The following SPAG9 variants were observed in gnomAD, a reference collection of about 807,000 sequenced individuals.
SPAG9 encodes the protein C-Jun-amino-terminal kinase-interacting protein 4.
In SPAG9, 35 loss-of-function variants were observed where a neutral mutation model predicts 166.5. That is an observed-to-expected ratio of 0.21 (90% confidence interval 0.16 to 0.28). SPAG9 has a LOEUF of 0.28. SPAG9 is among the 10% of genes least tolerant of loss of function. The pLI, the probability that SPAG9 is intolerant of heterozygous loss-of-function variation, is 1.00. For missense variants in SPAG9, 1,235 were observed against 1,603.3 expected (o/e 0.77, Z 3.92); for synonymous variants, 534 against 565.5 (o/e 0.94, Z 0.79).
intron 1 of SPAG9, among the ~76,000 whole-genome samples, chr17:51,086,379 T>G (rs1400666965): frequency 1.3e-5 from 2 of 151,872 alleles, no homozygotes; most frequent in Non-Finnish European, 2.9e-5. Context: ...AGTGGCTCAT[T>G]CCTGTAATCC....
In SPAG9 at chr17:51,009,381, C is replaced by T. The variant is rs545651573; in HGVS notation, c.1214-2055G>A. On this transcript the variant is annotated intron_variant, in intron 9 of 29. Transcript: ENST00000262013. ...TATAGTTTCTAAAGTTTACATTAGC[C>T]ATGAAGCCAGTAGACAAGACAGATA... Among the ~76,000 whole-genome samples, 3 of 152,160 alleles carry T rather than the reference C, an allele frequency of 2.0e-5. No homozygotes were observed. The South Asian group carries it at 6.2e-4, about 32-fold the overall frequency.
chr17:50,989,196 C>G (rs914316566), intron 21 of SPAG9, among the ~76,000 whole-genome samples: 2 of 152,150 alleles, frequency 1.3e-5, no homozygotes, highest in African/African-American at 4.8e-5. Flanking sequence ...TTCTACAGTA[C>G]CTTGTGCATG....
At chr17:51,076,294 G>A (rs2047968288) in intron 2 of SPAG9, among the ~76,000 whole-genome samples, 1 of 151,464 alleles carries the variant, frequency 6.6e-6, no homozygotes, top group Non-Finnish European at 1.5e-5. Context: ...ATGGTGGCTT[G>A]TGACTGTAGT....
intron 12 of SPAG9, among the ~76,000 whole-genome samples, chr17:51,003,343 G>A (rs1201302687): frequency 6.6e-6 from 1 of 152,118 alleles, no homozygotes; most frequent in Non-Finnish European, 1.5e-5. Context: ...ACTATTGTAA[G>A]TTTCACCTAA....
chr17:51,099,848 C>T (rs1002806740), intron 1 of SPAG9, among the ~76,000 whole-genome samples: 1 of 150,720 alleles, frequency 6.6e-6, no homozygotes, highest in Non-Finnish European at 1.5e-5. Context: ...GCCTGTAATC[C>T]CAGCACTTTG....
chr17:51,036,486 A>G (rs1329889685), intron 5 of SPAG9, among the ~76,000 whole-genome samples: 1 of 151,960 alleles, frequency 6.6e-6, no homozygotes, highest in Non-Finnish European at 1.5e-5. Context: ...CTCTGCCACT[A>G]CAGCCCTCCA....
intron 1 of SPAG9, among the ~76,000 whole-genome samples, chr17:51,110,590 G>A (rs569980760): frequency 1.3e-5 from 2 of 152,252 alleles, no homozygotes; most frequent in Non-Finnish European, 2.9e-5. Context: ...TTGGGAGGCT[G>A]AGACGGAAGG....
chr17:51,083,690 G>C (rs2048232445), intron 1 of SPAG9, among the ~76,000 whole-genome samples: 1 of 151,932 alleles, frequency 6.6e-6, no homozygotes, highest in African/African-American at 2.4e-5. Flanking sequence ...AGAGTAGCTG[G>C]AACTACATGT....
chr17:51,073,552 TA>T (rs1031301361), intron 2 of SPAG9, among the ~76,000 whole-genome samples: 2 of 149,382 alleles, frequency 1.3e-5, no homozygotes, highest in African/African-American at 2.5e-5. Context: ...ATTGCAGATT[TA>T]AAAAAAAACA....
At chr17:50,967,679 T>C (rs1973465479) in intron 29 of SPAG9, among the ~76,000 whole-genome samples, 1 of 152,210 alleles carries the variant, frequency 6.6e-6, no homozygotes, top group African/African-American at 2.4e-5. Flanking sequence ...TGTAAGAAAA[T>C]TATCCTGTCT....
intron 6 of SPAG9, among the ~76,000 whole-genome samples, chr17:51,026,517 T>G (rs938001729): frequency 6.6e-6 from 1 of 152,012 alleles, no homozygotes; most frequent in Non-Finnish European, 1.5e-5. Flanking sequence ...TGTAACTTAC[T>G]TCCCTTTTAT....
intron 1 of SPAG9, among the ~76,000 whole-genome samples, chr17:51,093,711 A>AAG (rs2048535400): frequency 6.6e-6 from 1 of 151,258 alleles, no homozygotes; most frequent in Non-Finnish European, 1.5e-5. Flanking sequence ...AAAAAAAAAA[A>AAG]AAAAGAAAAT....
At chr17:50,998,949 G>A (rs1423738205) in intron 14 of SPAG9, among the ~76,000 whole-genome samples, 1 of 152,154 alleles carries the variant, frequency 6.6e-6, no homozygotes, top group Non-Finnish European at 1.5e-5. Context: ...CTCCTACTTG[G>A]TGCAAGGTAA....
intron 25 of SPAG9, among the ~76,000 whole-genome samples, chr17:50,980,873 G>A (rs906082094): frequency 6.6e-6 from 1 of 152,068 alleles, no homozygotes; most frequent in Non-Finnish European, 1.5e-5. Context: ...ATAATGGTGT[G>A]TGCCTGTGAT....
At chr17:51,023,965 C>A (rs1428842914) in intron 6 of SPAG9, among the ~76,000 whole-genome samples, 1 of 152,130 alleles carries the variant, frequency 6.6e-6, no homozygotes. Flanking sequence ...TGCGCCCAGC[C>A]GATTTTTCTA....
At chr17:51,044,275 TA>T (rs1381510559) in intron 4 of SPAG9, among the ~76,000 whole-genome samples, 3 of 152,184 alleles carry the variant, frequency 2.0e-5, no homozygotes, top group Admixed American at 6.5e-5. Context: ...TGGCATGCAT[TA>T]AATGCTTCAA....
chr17:51,004,507 C>T (rs2045110241), intron 12 of SPAG9, among the ~76,000 whole-genome samples: 1 of 152,032 alleles, frequency 6.6e-6, no homozygotes, highest in African/African-American at 2.4e-5. Context: ...GGAGGCTGAC[C>T]AGGGTGGATT....
In SPAG9 at chr17:50,994,929, G is replaced by A. The variant is rs1008062740; in HGVS notation, c.2226+128C>T. ...AATATTTTAAAATTGATTTTAAAAG[G>A]GTGCTGAGGGACAGTAAGCCAGGGC... is the stretch of plus-strand genomic sequence containing the variant. On this transcript the variant is annotated intron_variant, in intron 18 of 29. Transcript: ENST00000262013. 5 of 624,534 alleles carry A rather than the reference G, an allele frequency of 8.0e-6. No homozygotes were observed. In the Admixed American group the frequency reaches 1.1e-4, roughly 14 times the overall value. The allele number at this position is 624,534 out of a possible 1,614,324, so 38.7% of individuals were successfully genotyped here.
intron 3 of SPAG9, among the ~76,000 whole-genome samples, chr17:51,052,273 C>T (rs1167456789): frequency 2.0e-5 from 3 of 152,128 alleles, no homozygotes; most frequent in Admixed American, 6.6e-5. Context: ...GTTTTAAGGG[C>T]GCCTAGTTCT....
Sources: gnomAD v4.1 joint callset for allele counts (sites outside exome capture counted in the v4.1 genomes callset) on GRCh38, gnomAD v4.1.1 for gene constraint, MANE v1.5 for transcripts, NCBI Gene and HGNC (gene_info 2026-07-23, HGNC 2026-07-21) for gene names.